Variants in SLC44A3 observed in about 807,000 individuals in gnomAD.
The protein encoded by SLC44A3 is choline transporter-like protein 3.
Under a neutral mutation model 75.4 loss-of-function variants are expected in SLC44A3, and 74 were observed. The ratio of observed to expected loss-of-function variants is 0.98; its 90% CI spans 0.81 to 1.19. The LOEUF is 1.19. SLC44A3 is among the 50% of genes most tolerant of loss of function. SLC44A3 has a pLI of 0.00. For missense variants in SLC44A3, 700 were observed against 778.6 expected, an observed-to-expected ratio of 0.90 and a Z score of 1.20; for synonymous variants, 310 against 296.9, an observed-to-expected ratio of 1.04 and a Z score of -0.45.
chr1:94,849,270 C>A (rs1001189151), intron 9 of SLC44A3, among the ~76,000 whole-genome samples: 2 of 152,158 alleles, frequency 1.3e-5, no homozygotes, highest in Non-Finnish European at 2.9e-5. Flanking sequence ...AAACTGGGTG[C>A]CCCGGACCTA....
At chr1:94,889,555 T>C (rs1263937676) in intron 12 of SLC44A3, among the ~76,000 whole-genome samples, 1 of 69,730 alleles carries the variant, frequency 1.4e-5, no homozygotes, top group Non-Finnish European at 3.8e-5. Context: ...CACACACACA[T>C]TTGTAGTCTT....
At chr1:94,852,820 C>T (rs1484317715) in intron 9 of SLC44A3, among the ~76,000 whole-genome samples, 1 of 152,166 alleles carries the variant, frequency 6.6e-6, no homozygotes, top group East Asian at 1.9e-4. Flanking sequence ...TTGGCCTGAG[C>T]AACTGGAAGA....
At chr1:94,820,572 CT>C in intron 1 of SLC44A3, 94 bp downstream of exon 1, 2 of 1,434,108 alleles carry the variant, frequency 1.4e-6, no homozygotes, top group Admixed American at 2.4e-5. Flanking sequence ...ACGCTTCCGC[CT>C]TTCCCGCGCC....
intron 12 of SLC44A3, among the ~76,000 whole-genome samples, chr1:94,881,141 C>T (rs1016772633): frequency 6.6e-5 from 10 of 152,140 alleles, no homozygotes; most frequent in South Asian, 2.1e-4. Flanking sequence ...TGTTACCAAA[C>T]GATAGTTATT....
At chr1:94,824,050 G>A in intron 2 of SLC44A3, among the ~76,000 whole-genome samples, 1 of 150,040 alleles carries the variant, frequency 6.7e-6, no homozygotes. Flanking sequence ...TGCTTCTGCA[G>A]AATCCCTTAA....
intron 5 of SLC44A3, 147 bp from the exon 6 acceptor site, chr1:94,837,564 T>A (rs1381503575): frequency 1.6e-6 from 1 of 632,948 alleles, no homozygotes; most frequent in Non-Finnish European, 2.4e-6. Context: ...CCTGGCTTTC[T>A]AAGGTGTGCT....
chr1:94,895,185 T>C lies in SLC44A3; in HGVS notation c.*263T>C, dbSNP rs943692261. On this transcript the variant is annotated 3_prime_UTR_variant, in exon 15 of 15. Coordinates refer to ENST00000271227, the MANE Select transcript of SLC44A3 (RefSeq NM_001114106.3). The stretch of plus-strand genomic sequence containing the variant: ...ATGCATCAACTTACAAAGTACACTA[T>C]GTAAGAACTGAGGTAAGTTTGTAAG... 2 of 324,542 alleles carry C rather than the reference T, an allele frequency of 6.2e-6. No homozygotes were observed. Among genetic ancestry groups the C allele is most frequent in the African/African-American group, 4.2e-5 (2 of 48,084 alleles). 20.1% of individuals were successfully genotyped at this position (324,542 alleles called of 1,614,324 possible).
intron 1 of SLC44A3, 196 bp downstream of exon 1, chr1:94,820,674 ACG>A: frequency 7.3e-7 from 1 of 1,378,900 alleles, no homozygotes; most frequent in Non-Finnish European, 9.3e-7. Context: ...GGCGGGGGAG[ACG>A]CGGGCCGCGG....
intron 12 of SLC44A3, among the ~76,000 whole-genome samples, chr1:94,878,062 G>A (rs939961134): frequency 5.3e-5 from 8 of 152,006 alleles, no homozygotes; most frequent in Non-Finnish European, 1.2e-4. Flanking sequence ...GTGAAACCCC[G>A]TCTCTACTAA....
rs530421066 is a variant in SLC44A3, at chr1:94,840,723, G to A, written c.760+686G>A. 7.2e-5 allele frequency among the ~76,000 whole-genome samples: 11 copies of A among 152,306 alleles called. No individual in the cohort carries two copies. In the East Asian group the frequency reaches 1.7e-3, roughly 24 times the overall value. On this transcript the variant is annotated intron_variant, in intron 7 of 14. Coordinates refer to ENST00000271227, the MANE Select transcript of SLC44A3 (RefSeq NM_001114106.3). ...ATTTTAAAGGATTTCTTCTGAATGC[G>A]CACCTCACCCATTGGCACGTGGGTG...
At chr1:94,872,600 G>C (rs187738206) in intron 12 of SLC44A3, among the ~76,000 whole-genome samples, 4 of 152,258 alleles carry the variant, frequency 2.6e-5, no homozygotes, top group Middle Eastern at 3.4e-3. Flanking sequence ...TATAGCAGCA[G>C]TTTGCCTCTG....
Position 94,824,648 on chromosome 1 carries a change from A to G in SLC44A3, c.278+13A>G, listed in dbSNP as rs1314603890. ...TGACCCTAAAAAAGTAAGTATCTAA[A>G]TAAGTCCCCAGTCTGTAAGGAACTG... is the stretch of plus-strand genomic sequence containing the variant. On this transcript the variant is annotated intron_variant, in intron 3 of 14. Transcript: ENST00000271227. 3.2e-6 allele frequency: 5 copies of G among 1,560,934 alleles called. No homozygotes were observed. In the East Asian group the frequency reaches 9.1e-5, roughly 28 times the overall value.
chr1:94,848,906 GA>G lies in SLC44A3; in HGVS notation c.1072+3445del, dbSNP rs1664813395. Reference sequence around the variant, plus strand: ...GGAAATCGCCAGGTCAGAAAATACAGAAAGAGGCAAAGGGGGATGCAGCAGA... The same window carrying G: ...GGAAATCGCCAGGTCAGAAAATACAGAAGAGGCAAAGGGGGATGCAGCAGA... On this transcript the variant is annotated intron_variant, in intron 9 of 14. Coordinates refer to ENST00000271227, the MANE Select transcript of SLC44A3 (RefSeq NM_001114106.3). 1.3e-5 allele frequency among the ~76,000 whole-genome samples: 2 copies of G among 152,128 alleles called. 1 individual carries two copies. The highest frequency in any genetic ancestry group is 4.1e-4 in the South Asian group (2 of 4,834).
At chr1:94,820,758 T>C in intron 1 of SLC44A3, 191 bp from the exon 2 acceptor site, 1 of 1,398,440 alleles carries the variant, frequency 7.2e-7, no homozygotes, top group Non-Finnish European at 9.3e-7. Flanking sequence ...TAACATCCGC[T>C]CCGCGCAGAG....
Position 94,891,129 on chromosome 1 carries a change from GAATGCATAT to G in SLC44A3, c.1484_1492del (p.Asn495_Tyr497del). On this transcript the variant is annotated inframe_deletion and splice_region_variant, in exon 13 of 15. Transcript: ENST00000271227. ...TTTTAAACAATTCTCTTCTGTTTCA[GAATGCATAT>G]ACTACAACTGCTATTAATGGGACAG... The G allele has an allele frequency of 6.3e-7, 1 of 1,593,796 alleles. No individual in the cohort carries two copies. The highest frequency in any genetic ancestry group is 8.5e-7 in the Non-Finnish European group (1 of 1,172,646).
At chr1:94,846,418 G>A (rs1664414310) in intron 9 of SLC44A3, among the ~76,000 whole-genome samples, 1 of 152,180 alleles carries the variant, frequency 6.6e-6, no homozygotes, top group Non-Finnish European at 1.5e-5. Flanking sequence ...AACAGGGCAA[G>A]CATATTCTAA....
rs761514787 is a variant in SLC44A3 at position 94,892,400 on chromosome 1, T to A, written c.1740T>A (p.His580Gln). The change falls in exon 14 of 15, where the codon CAT becomes CAA. Residue 580 changes from histidine to glutamine, a missense_variant. Coordinates refer to ENST00000271227, the MANE Select transcript of SLC44A3 (RefSeq NM_001114106.3). The stretch of plus-strand genomic sequence containing the variant: ...CTTTTTTTGCCTACTTAGTAGCCCA[T>A]AGTTTTTTATCTGTGTTTGAAACTG... ...LVAFFAYLVAHSFLSVFETVL... is the reference protein window; with the variant it reads ...LVAFFAYLVAQSFLSVFETVL... 26 of 1,614,084 alleles carry A rather than the reference T, an allele frequency of 1.6e-5. No individual in the cohort carries two copies. In the South Asian group the frequency reaches 2.7e-4, roughly 17 times the overall value.
chr1:94,864,412 C>T (rs576687781), intron 10 of SLC44A3, among the ~76,000 whole-genome samples: 2 of 152,086 alleles, frequency 1.3e-5, no homozygotes, highest in Non-Finnish European at 2.9e-5. Flanking sequence ...GAGATTGTGC[C>T]GCAATTAAAA....
At chr1:94,832,403 A>G (rs1028843514) in intron 5 of SLC44A3, among the ~76,000 whole-genome samples, 2 of 152,182 alleles carry the variant, frequency 1.3e-5, no homozygotes, top group African/African-American at 4.8e-5. Flanking sequence ...CTTTTGCATA[A>G]AAAGTGGAAA....
Sources: gnomAD v4.1 joint callset for allele counts (sites outside exome capture counted in the v4.1 genomes callset) on GRCh38, gnomAD v4.1.1 for gene constraint, MANE v1.5 for transcripts, NCBI Gene and HGNC (gene_info 2026-07-23, HGNC 2026-07-21) for gene names.